Variants in PMS1 observed in about 807,000 individuals in gnomAD.
The protein encoded by PMS1 is PMS1 protein homolog 1.
Under a neutral mutation model 93.1 loss-of-function variants are expected in PMS1, and 79 were observed. That is an observed-to-expected ratio of 0.85 (90% CI 0.71 to 1.02). The LOEUF is 1.02. Ranked by LOEUF, PMS1 falls within the 50% of genes least tolerant of loss-of-function variation. The pLI, the probability that PMS1 is intolerant of heterozygous loss-of-function variation, is 0.00. For synonymous variants in PMS1, 335 were observed against 363.4 expected (o/e 0.92, Z 0.89); for missense variants, 1,064 against 1,085.3 (o/e 0.98, Z 0.28).
chr2:189,820,758 T>G (rs1216921897), intron 5 of PMS1, among the ~76,000 whole-genome samples: 1 of 152,224 alleles, frequency 6.6e-6, no homozygotes, highest in Non-Finnish European at 1.5e-5. Context: ...TGGAATTGTT[T>G]TATATTTTAC....
In PMS1 at chr2:189,798,564, A is replaced by G. The variant is rs190082295; in HGVS notation, c.315+2613A>G. Among the ~76,000 whole-genome samples, 16 of 152,256 alleles carry G rather than the reference A, an allele frequency of 1.1e-4. No homozygotes were observed. The East Asian group carries it at 2.9e-3, about 28-fold the overall frequency. ...TGGGGAAGAGGGACTAGAGGGTTCA[A>G]TTGGGCATTGTCCGTTTTTCTCCTC... On this transcript the variant is annotated intron_variant, in intron 3 of 12. Transcript: ENST00000441310.
intron 1 of PMS1, among the ~76,000 whole-genome samples, chr2:189,788,629 A>G (rs934963867): frequency 6.6e-6 from 1 of 152,208 alleles, no homozygotes; most frequent in Non-Finnish European, 1.5e-5. Context: ...TCTAGTAGTC[A>G]CATTAAACAG....
In PMS1 at chr2:189,831,890, C is replaced by G. The variant is rs146164230; in HGVS notation, c.583-12074C>G. On this transcript the variant is annotated intron_variant, in intron 5 of 12. Transcript: ENST00000441310. ...TCCGCCTCCCAGGTTCAAGCAATTT[C>G]TGGTTATTTTTAGTATTTTTAGTAG... is the stretch of plus-strand genomic sequence containing the variant. 9.1e-4 allele frequency among the ~76,000 whole-genome samples: 138 copies of G among 152,046 alleles called. 1 individual carries two copies. The highest frequency in any genetic ancestry group is 1.2e-3 in the South Asian group (6 of 4,812).
At chr2:189,834,985 A>G (rs1282556439) in intron 5 of PMS1, among the ~76,000 whole-genome samples, 1 of 152,228 alleles carries the variant, frequency 6.6e-6, no homozygotes, top group Non-Finnish European at 1.5e-5. Flanking sequence ...TGCTGGGATT[A>G]CAGGCCTGAA....
intron 3 of PMS1, among the ~76,000 whole-genome samples, chr2:189,802,223 C>G (rs572869260): frequency 5.9e-5 from 9 of 152,268 alleles, no homozygotes; most frequent in Admixed American, 6.5e-5. Context: ...GCTATGCAGT[C>G]AAAAATTCAC....
At chr2:189,826,559 A>G (rs1170519686) in intron 5 of PMS1, among the ~76,000 whole-genome samples, 1 of 151,944 alleles carries the variant, frequency 6.6e-6, no homozygotes, top group African/African-American at 2.4e-5. Context: ...TTTGTGAAAT[A>G]TAGAAAAGAT....
chr2:189,819,997 A>G (rs1473713206), intron 5 of PMS1, among the ~76,000 whole-genome samples: 1 of 152,238 alleles, frequency 6.6e-6, no homozygotes, highest in Admixed American at 6.5e-5. Context: ...ATCTAATGAA[A>G]TTTCACATGG....
intron 11 of PMS1, among the ~76,000 whole-genome samples, chr2:189,869,253 A>G (rs374779989): frequency 2.6e-5 from 4 of 152,322 alleles, no homozygotes; most frequent in Middle Eastern, 3.4e-3. Flanking sequence ...CAAAGTAACA[A>G]TTAAATCAGT....
intron 5 of PMS1, among the ~76,000 whole-genome samples, chr2:189,831,475 T>C (rs1407983462): frequency 6.6e-6 from 1 of 152,158 alleles, no homozygotes; most frequent in Non-Finnish European, 1.5e-5. Flanking sequence ...TGAGGAAGAA[T>C]CAATGGGACT....
At chr2:189,873,983 A>G (rs2057358766) in intron 12 of PMS1, among the ~76,000 whole-genome samples, 1 of 152,218 alleles carries the variant, frequency 6.6e-6, no homozygotes, top group African/African-American at 2.4e-5. Flanking sequence ...GATTCTATAT[A>G]TAGAGGTATT....
intron 5 of PMS1, among the ~76,000 whole-genome samples, chr2:189,835,789 G>T (rs992820175): frequency 6.6e-6 from 1 of 151,648 alleles, no homozygotes; most frequent in Non-Finnish European, 1.5e-5. Flanking sequence ...TTAGCTGGGC[G>T]TGGTAGTGTG....
chr2:189,873,378 C>A lies in PMS1; in HGVS notation c.2474-118C>A, dbSNP rs909277751. The A allele has an allele frequency of 5.8e-6, 4 of 690,340 alleles. No individual in the cohort carries two copies. In the African/African-American group the frequency reaches 7.2e-5, roughly 12 times the overall value. The allele number at this position is 690,340 out of a possible 1,614,324, so 42.8% of individuals were successfully genotyped here. A position where few individuals can be genotyped will look rare whatever the true frequency, so the allele number is the denominator to read the frequency against. On this transcript the variant is annotated intron_variant, in intron 11 of 12. Coordinates refer to ENST00000441310, the MANE Select transcript of PMS1 (RefSeq NM_000534.5). Reference sequence around the variant, plus strand: ...CTCCAACTAAGGAACAAAACTTTGTCCTGACTGTATTAAATTTGAATGAGG... The same window carrying A: ...CTCCAACTAAGGAACAAAACTTTGTACTGACTGTATTAAATTTGAATGAGG...
At chr2:189,850,755 AGT>A (rs748839199) in intron 6 of PMS1, among the ~76,000 whole-genome samples, 9 of 152,088 alleles carry the variant, frequency 5.9e-5, no homozygotes, top group South Asian at 4.1e-4. Context: ...AAATTCATTC[AGT>A]GAGACACTTC....
Position 189,791,625 on chromosome 2 carries a change from A to AT in PMS1, c.-20-165_-20-164insT, listed in dbSNP as rs2048876976. 9.0e-6 allele frequency: 5 copies of AT among 553,764 alleles called. No individual in the cohort carries two copies. The African/African-American group carries it at 9.5e-5, about 11-fold the overall frequency. 34.3% of individuals were successfully genotyped at this position (553,764 alleles called of 1,614,324 possible). A position where few individuals can be genotyped will look rare whatever the true frequency, so the allele number is the denominator to read the frequency against. On this transcript the variant is annotated intron_variant, in intron 1 of 12. Coordinates refer to ENST00000441310, the MANE Select transcript of PMS1 (RefSeq NM_000534.5). ...GCGAGATTTCATCTCCAAAAAAAAA[A>AT]AAAGAAGAAATAGAAGACTTAATAT...
At chr2:189,832,102 T>C (rs2052999858) in intron 5 of PMS1, among the ~76,000 whole-genome samples, 1 of 152,098 alleles carries the variant, frequency 6.6e-6, no homozygotes, top group African/African-American at 2.4e-5. Flanking sequence ...ATAGGTTGTA[T>C]GGGAAGGGAA....
chr2:189,852,572 T>A, intron 6 of PMS1, 83 bp from the exon 7 acceptor site: 1 of 1,227,624 alleles, frequency 8.1e-7, no homozygotes. Context: ...TTTTTAATTT[T>A]TTTATACCTT....
At chr2:189,851,837 C>T (rs570747538) in intron 6 of PMS1, among the ~76,000 whole-genome samples, 2 of 152,044 alleles carry the variant, frequency 1.3e-5, no homozygotes, top group South Asian at 2.1e-4. Flanking sequence ...AGTGGTAGAA[C>T]TGGGATTCAA....
At chr2:189,818,755 G>A (rs1421804397) in intron 5 of PMS1, among the ~76,000 whole-genome samples, 4 of 152,096 alleles carry the variant, frequency 2.6e-5, no homozygotes, top group East Asian at 1.9e-4. Context: ...CCCAGCAGAC[G>A]TTTTTCATCT....
intron 5 of PMS1, among the ~76,000 whole-genome samples, chr2:189,827,147 T>C (rs1222684496): frequency 2.0e-5 from 3 of 152,200 alleles, no homozygotes; most frequent in Non-Finnish European, 4.4e-5. Context: ...CTAAGAGCTG[T>C]CAATTTAATG....
Sources: allele counts gnomAD v4.1 joint callset (sites outside exome capture counted in the v4.1 genomes callset), GRCh38; gene constraint gnomAD v4.1.1; transcripts MANE v1.5; gene names NCBI Gene and HGNC (gene_info 2026-07-23, HGNC 2026-07-21).